CLMN: variants seen among roughly 807,000 people sequenced by gnomAD.
CLMN encodes the protein calmin.
A neutral mutation model predicts 92.7 loss-of-function variants in CLMN; 57 were observed. The observed-to-expected ratio is 0.61, with a 90% CI of 0.50 to 0.77. The LOEUF (loss-of-function observed/expected upper bound fraction) is 0.77, where lower values mean the gene tolerates loss of function less well. Among genes scored for constraint, CLMN ranks in the 30% least tolerant of loss-of-function variants. CLMN has a pLI of 0.00. For missense variants in CLMN, 1,158 were observed against 1,237.5 expected (o/e 0.94, Z 0.96); for synonymous variants, 466 against 470.6 (o/e 0.99, Z 0.13).
intron 9 of CLMN, among the ~76,000 whole-genome samples, chr14:95,199,551 TA>T (rs1334767203): frequency 6.6e-6 from 1 of 152,162 alleles, no homozygotes; most frequent in East Asian, 1.9e-4. Context: ...CTTTGTCCCC[TA>T]CACTGGCAGG....
At chr14:95,230,538 G>C (rs764431090) in intron 1 of CLMN, among the ~76,000 whole-genome samples, 85 of 152,338 alleles carry the variant, frequency 5.6e-4, no homozygotes, top group Non-Finnish European at 6.8e-4. Context: ...GTCAGGGTCG[G>C]GGTGGAGTGG....
At chr14:95,220,327 C>G (rs775685268) in intron 4 of CLMN, among the ~76,000 whole-genome samples, 1 of 152,052 alleles carries the variant, frequency 6.6e-6, no homozygotes, top group Non-Finnish European at 1.5e-5. Context: ...TAGCTCCCCA[C>G]GACCGTGCCC....
At chr14:95,216,262 G>C (rs1897342091) in intron 4 of CLMN, among the ~76,000 whole-genome samples, 1 of 152,172 alleles carries the variant, frequency 6.6e-6, no homozygotes, top group South Asian at 2.1e-4. Context: ...ACTATCATGA[G>C]AACAGCACAT....
At chr14:95,286,489 G>GGAGTGA (rs1355229850) in intron 1 of CLMN, among the ~76,000 whole-genome samples, 1 of 152,162 alleles carries the variant, frequency 6.6e-6, no homozygotes, top group Admixed American at 6.5e-5. Flanking sequence ...TGGTAAATGG[G>GGAGTGA]GAGTGACTCC....
At chr14:95,298,349 C>T (rs1054512925) in intron 1 of CLMN, among the ~76,000 whole-genome samples, 3 of 152,094 alleles carry the variant, frequency 2.0e-5, no homozygotes, top group Admixed American at 6.5e-5. Context: ...GGTAGCCTGC[C>T]GCTGCATCAG....
At chr14:95,220,489 T>C (rs141248452) in intron 4 of CLMN, among the ~76,000 whole-genome samples, 15 of 152,256 alleles carry the variant, frequency 9.9e-5, no homozygotes, top group Middle Eastern at 3.4e-3. Flanking sequence ...CTAAGTCACA[T>C]TTTGAGAATC....
chr14:95,317,943 G>A (rs1901867002), intron 1 of CLMN, among the ~76,000 whole-genome samples: 1 of 152,094 alleles, frequency 6.6e-6, no homozygotes, highest in Non-Finnish European at 1.5e-5. Context: ...ACAGTTCACT[G>A]GGAGCTGAGG....
At chr14:95,204,874 A>G (rs1897004282) in intron 8 of CLMN, among the ~76,000 whole-genome samples, 1 of 152,154 alleles carries the variant, frequency 6.6e-6, no homozygotes, top group Non-Finnish European at 1.5e-5. Flanking sequence ...TCCACCTGAG[A>G]TAAGGAAAGA....
At chr14:95,249,192 G>C (rs1034528584) in intron 1 of CLMN, among the ~76,000 whole-genome samples, 1 of 152,178 alleles carries the variant, frequency 6.6e-6, no homozygotes, top group Non-Finnish European at 1.5e-5. Flanking sequence ...ATGCTGCATA[G>C]TGGACACAGC....
intron 1 of CLMN, among the ~76,000 whole-genome samples, chr14:95,314,761 T>A (rs1901689688): frequency 6.6e-6 from 1 of 152,146 alleles, no homozygotes; most frequent in Admixed American, 6.5e-5. Flanking sequence ...GCCTTTTGCC[T>A]GTTGTAATCA....
chr14:95,184,631 G>T lies in CLMN; in HGVS notation c.*6933C>A, dbSNP rs945835555. On this transcript the variant is annotated 3_prime_UTR_variant, in exon 13 of 13. Transcript: ENST00000298912. The stretch of plus-strand genomic sequence containing the variant: ...GAAGCCAGTATTCCCAGCATTGTGG[G>T]GTCTGGCAACTGCAGAACACTCAGC... The T allele has an allele frequency of 4.5e-4, 69 of 152,220 alleles. No homozygotes were observed. Among genetic ancestry groups the T allele is most frequent in the African/African-American group, 1.6e-3 (68 of 41,442 alleles). The allele number at this position is 152,220 out of a possible 1,614,324, so 9.4% of individuals were successfully genotyped here.
chr14:95,223,869 G>A lies in CLMN; in HGVS notation c.145-14C>T. On this transcript the variant is annotated splice_polypyrimidine_tract_variant and intron_variant, in intron 2 of 12. Transcript: ENST00000298912. ...AGGTGGGTTGCACTTTGAAAGAGAA[G>A]GGAAGAAAGTAGCCAATTAGCAACC... 1.3e-6 allele frequency: 2 copies of A among 1,589,846 alleles called. No homozygotes were observed. The highest frequency in any genetic ancestry group is 1.7e-6 in the Non-Finnish European group (2 of 1,161,852).
chr14:95,280,485 G>A (rs570269380), intron 1 of CLMN, among the ~76,000 whole-genome samples: 5 of 152,324 alleles, frequency 3.3e-5, no homozygotes, highest in Admixed American at 6.5e-5. Flanking sequence ...CTAATGAATA[G>A]AGGTTTTTGC....
At chr14:95,278,667 G>T (rs908445822) in intron 1 of CLMN, among the ~76,000 whole-genome samples, 7 of 152,158 alleles carry the variant, frequency 4.6e-5, no homozygotes, top group Non-Finnish European at 8.8e-5. Context: ...CATTATGAGA[G>T]ATATAGCCTT....
At position 95,204,329 on chromosome 14, in the gene CLMN, A is replaced by G. The variant is rs780909329; in HGVS notation, c.1020T>C (p.His340=). The G allele has an allele frequency of 6.2e-7, 1 of 1,614,184 alleles. No homozygotes were observed. The highest frequency in any genetic ancestry group is 1.7e-5 in the Admixed American group (1 of 60,018). Residue 340 remains histidine (H), a synonymous_variant, in exon 9 of 13, where the codon CAT becomes CAC. Coordinates refer to ENST00000298912, the MANE Select transcript of CLMN (RefSeq NM_024734.4). ...TGGAGGGTGGTGGGTGGCTGGTTTCATGGTTAACAGTGTAGGTACGCTCCC... is the reference window on the plus strand; with the variant it reads ...TGGAGGGTGGTGGGTGGCTGGTTTCGTGGTTAACAGTGTAGGTACGCTCCC... ...ENGERTYTVN[H]ETSHPPPSKV...
At chr14:95,197,752 A>G (rs541585623) in intron 9 of CLMN, among the ~76,000 whole-genome samples, 2 of 152,322 alleles carry the variant, frequency 1.3e-5, no homozygotes, top group African/African-American at 4.8e-5. Flanking sequence ...TGTTGGAGCC[A>G]CGTCTCAAGA....
intron 4 of CLMN, among the ~76,000 whole-genome samples, chr14:95,216,572 G>A (rs1053381826): frequency 9.2e-5 from 14 of 152,190 alleles, no homozygotes; most frequent in African/African-American, 3.4e-4. Flanking sequence ...ATGTCCTTGG[G>A]ACAAACACAG....
At chr14:95,233,870 A>G (rs1313519119) in intron 1 of CLMN, among the ~76,000 whole-genome samples, 1 of 152,242 alleles carries the variant, frequency 6.6e-6, no homozygotes, top group Non-Finnish European at 1.5e-5. Context: ...GGCTGGCCTG[A>G]GCACAAATCA....
In CLMN at chr14:95,233,061, C is replaced by G. The variant is rs571457293; in HGVS notation, c.83-2928G>C. Reference sequence around the variant, plus strand: ...CAAATTGCCCTCCCACAAGGCTGTCCCGGTTTATGCTTTTACCCCCACCTG... The same window carrying G: ...CAAATTGCCCTCCCACAAGGCTGTCGCGGTTTATGCTTTTACCCCCACCTG... On this transcript the variant is annotated intron_variant, in intron 1 of 12. Transcript: ENST00000298912. Among the ~76,000 whole-genome samples the G allele has an allele frequency of 8.8e-4, 134 of 152,166 alleles. 1 individual carries two copies. Among genetic ancestry groups the G allele is most frequent in the Admixed American group, 1.5e-3 (23 of 15,282 alleles).
Sources: allele counts gnomAD v4.1 joint callset (sites outside exome capture counted in the v4.1 genomes callset), GRCh38; gene constraint gnomAD v4.1.1; transcripts MANE v1.5; gene names NCBI Gene and HGNC (gene_info 2026-07-23, HGNC 2026-07-21).